Variants in COMMD7 observed in about 807,000 individuals in gnomAD.
COMMD7 encodes COMM domain containing 7.
A neutral mutation model predicts 34.8 loss-of-function variants in COMMD7; 28 were observed. That is an observed-to-expected ratio of 0.80 (90% CI 0.60 to 1.10). The LOEUF is 1.10. COMMD7 is among the 50% of genes least tolerant of loss of function. COMMD7 has a pLI of 0.00. For synonymous variants in COMMD7, 80 were observed against 86.4 expected (o/e 0.93, Z 0.41); for missense variants, 211 against 241.6 (o/e 0.87, Z 0.84).
At chr20:32,709,752 G>A (rs1232156333) in intron 3 of COMMD7, among the ~76,000 whole-genome samples, 1 of 152,106 alleles carries the variant, frequency 6.6e-6, no homozygotes, top group Non-Finnish European at 1.5e-5. Context: ...ATGCCAGACA[G>A]CTTTCTACCC....
intron 3 of COMMD7, among the ~76,000 whole-genome samples, chr20:32,712,302 A>C (rs1199716362): frequency 7.0e-6 from 1 of 143,318 alleles, no homozygotes; most frequent in Non-Finnish European, 1.5e-5. Flanking sequence ...AAAGAGAGAG[A>C]TCGAGACCAT....
chr20:32,726,846 G>A (rs187256073), intron 3 of COMMD7, among the ~76,000 whole-genome samples: 266 of 152,240 alleles, frequency 1.7e-3, no homozygotes, highest in Admixed American at 2.8e-3. Context: ...AGAACCTCAG[G>A]AGCACAATAC....
At chr20:32,742,086 A>T (rs1397976034) in intron 1 of COMMD7, among the ~76,000 whole-genome samples, 2 of 152,028 alleles carry the variant, frequency 1.3e-5, no homozygotes, top group Non-Finnish European at 2.9e-5. Context: ...TACTCGGGAG[A>T]CTGAGACAGA....
chr20:32,724,945 T>G (rs909257859), intron 3 of COMMD7, among the ~76,000 whole-genome samples: 1 of 19,612 alleles, frequency 5.1e-5, no homozygotes, highest in African/African-American at 1.7e-4. Context: ...AATAAAAAAA[T>G]AAATTTAAAA....
intron 3 of COMMD7, among the ~76,000 whole-genome samples, chr20:32,723,130 C>CTCTCCGTCTCCG (rs1197787953): frequency 2.0e-5 from 1 of 51,264 alleles, no homozygotes; most frequent in East Asian, 3.3e-4. Flanking sequence ...CTCTCCCTCC[C>CTCTCCGTCTCCG]TCTCCGTCTC....
chr20:32,713,600 T>C (rs28542091), intron 3 of COMMD7, among the ~76,000 whole-genome samples: 105,522 of 152,092 alleles, frequency 0.69, 37,288 homozygotes, highest in Middle Eastern at 0.82. Context: ...GTACTGACCC[T>C]GAAGGCTGAC....
At position 32,743,386 on chromosome 20, in the gene COMMD7, G is replaced by A. The variant is rs2145800217; in HGVS notation, c.6C>T (p.Gly2=). 4 of 1,398,414 alleles carry A rather than the reference G, an allele frequency of 2.9e-6. No homozygotes were observed. The highest frequency in any genetic ancestry group is 6.2e-5 in the East Asian group (2 of 32,266). The allele number at this position is 1,398,414 out of a possible 1,614,324, so 86.6% of individuals were successfully genotyped here. The change falls in exon 1 of 9, where the codon GGC becomes GGT. Residue 2 remains glycine (G), a synonymous_variant. Coordinates refer to ENST00000278980, the MANE Select transcript of COMMD7 (RefSeq NM_053041.3). ...CCGGGTCCTCAGTGCAGTGCAGGCGGCCCATGGCGCGCGCCCCAGCCCCGC... is the reference window on the plus strand; with the variant it reads ...CCGGGTCCTCAGTGCAGTGCAGGCGACCCATGGCGCGCGCCCCAGCCCCGC... M[G]RLHCTEDPVP...
At chr20:32,725,815 C>G (rs1459295769) in intron 3 of COMMD7, among the ~76,000 whole-genome samples, 1 of 152,014 alleles carries the variant, frequency 6.6e-6, no homozygotes, top group African/African-American at 2.4e-5. Flanking sequence ...CTCTGGGAGG[C>G]TGAGGCGGGC....
intron 3 of COMMD7, 84 bp downstream of exon 3, chr20:32,727,809 C>T (rs767546050): frequency 4.8e-5 from 56 of 1,162,404 alleles, no homozygotes; most frequent in East Asian, 1.2e-4. Flanking sequence ...GCTTGGCCCA[C>T]GGAGCATGCT....
chr20:32,720,321 C>T (rs777636487), intron 3 of COMMD7, among the ~76,000 whole-genome samples: 7 of 152,062 alleles, frequency 4.6e-5, no homozygotes. Context: ...ATGGTGAAAC[C>T]CCGTCTGTAC....
intron 3 of COMMD7, among the ~76,000 whole-genome samples, chr20:32,712,142 C>T (rs185232683): frequency 2.9e-4 from 44 of 151,750 alleles, no homozygotes; most frequent in African/African-American, 1.0e-3. Flanking sequence ...TGGTGGCAGG[C>T]GCCTGTAATC....
intron 3 of COMMD7, among the ~76,000 whole-genome samples, chr20:32,707,805 C>A (rs1984192530): frequency 6.6e-6 from 1 of 151,814 alleles, no homozygotes; most frequent in South Asian, 2.1e-4. Flanking sequence ...GCACAGGGGG[C>A]AACCACCTAG....
Position 32,703,354 on chromosome 20 carries a change from G to C in COMMD7, c.*28C>G, listed in dbSNP as rs199516403. 2.5e-6 allele frequency: 4 copies of C among 1,602,486 alleles called. No individual in the cohort carries two copies. Among genetic ancestry groups the C allele is most frequent in the East Asian group, 2.2e-5 (1 of 44,770 alleles). On this transcript the variant is annotated 3_prime_UTR_variant, in exon 9 of 9. Transcript: ENST00000278980. The stretch of plus-strand genomic sequence containing the variant: ...CAGGGAAGGGAGGAGGGCAGGGAAC[G>C]GGGCCAGGGGAGATGCAGGGACAGA...
intron 1 of COMMD7, among the ~76,000 whole-genome samples, chr20:32,734,053 C>T (rs1021375786): frequency 3.3e-5 from 5 of 151,228 alleles, no homozygotes; most frequent in Non-Finnish European, 7.4e-5. Context: ...TGGTAGGGGG[C>T]GCCTATAGTC....
chr20:32,706,509 T>G, intron 5 of COMMD7, 74 bp downstream of exon 5: 1 of 1,205,468 alleles, frequency 8.3e-7, no homozygotes. Context: ...TGCGACTCCA[T>G]CTCAAAAAAA....
chr20:32,741,176 A>G (rs2145794837), intron 1 of COMMD7, among the ~76,000 whole-genome samples: 1 of 152,004 alleles, frequency 6.6e-6, no homozygotes, highest in Non-Finnish European at 1.5e-5. Flanking sequence ...AACTGACAGT[A>G]GGCTAAGGTC....
chr20:32,710,908 G>A (rs549645634), intron 3 of COMMD7, among the ~76,000 whole-genome samples: 1 of 151,898 alleles, frequency 6.6e-6, no homozygotes, highest in South Asian at 2.1e-4. Context: ...GCAAAACCCT[G>A]CCTCTACAAA....
Position 32,724,333 on chromosome 20 carries a change from C to T in COMMD7, c.241+3560G>A, listed in dbSNP as rs1367310786. ...GAGGGAGGTGGGGGGGTCAGCCCCC[C>T]GCCCGGCCAGCCGCCCCGCCCAGGA... On this transcript the variant is annotated intron_variant, in intron 3 of 8. Coordinates refer to ENST00000278980, the MANE Select transcript of COMMD7 (RefSeq NM_053041.3). Among the ~76,000 whole-genome samples, 2 of 19,372 alleles carry T rather than the reference C, an allele frequency of 1.0e-4. 1 individual carries two copies. The highest frequency in any genetic ancestry group is 3.4e-4 in the African/African-American group (2 of 5,930). The allele number at this position is 19,372 out of a possible 152,430, so 12.7% of individuals were successfully genotyped here.
chr20:32,725,671 G>A (rs917496587), intron 3 of COMMD7, among the ~76,000 whole-genome samples: 1 of 151,862 alleles, frequency 6.6e-6, no homozygotes, highest in African/African-American at 2.4e-5. Context: ...CTCGTGATCC[G>A]CCCATCTTGG....
Sources: gnomAD v4.1 joint callset for allele counts (sites outside exome capture counted in the v4.1 genomes callset) on GRCh38, gnomAD v4.1.1 for gene constraint, MANE v1.5 for transcripts, NCBI Gene and HGNC (gene_info 2026-07-23, HGNC 2026-07-21) for gene names.